ASB3: variants seen among roughly 807,000 people sequenced by gnomAD.
ASB3 encodes the protein ankyrin repeat and SOCS box containing 3.
A neutral mutation model predicts 54.5 loss-of-function variants in ASB3; 41 were observed. The observed-to-expected ratio is 0.75, with a 90% CI of 0.59 to 0.98. ASB3 has a LOEUF of 0.98. ASB3 is among the 50% of genes least tolerant of loss of function. The pLI is 0.00. For missense variants in ASB3, 733 were observed against 620.0 expected (o/e 1.18, Z -1.94); for synonymous variants, 266 against 221.2 (o/e 1.20, Z -1.80).
rs1667754344 is a variant in ASB3 at position 53,670,495 on chromosome 2, T to C, written c.*8A>G. 1 of 1,611,380 alleles carries C rather than the reference T, an allele frequency of 6.2e-7. No homozygotes were observed. Among genetic ancestry groups the C allele is most frequent in the Non-Finnish European group, 8.5e-7 (1 of 1,179,482 alleles). On this transcript the variant is annotated 3_prime_UTR_variant, in exon 10 of 10. Transcript: ENST00000263634. Reference sequence around the variant, plus strand: ...AAAAAATTAGCTGTGTTAAGTAGTTTCACTGATTTATCCATCTTGAATAGC... The same window carrying C: ...AAAAAATTAGCTGTGTTAAGTAGTTCCACTGATTTATCCATCTTGAATAGC...
intron 2 of ASB3, among the ~76,000 whole-genome samples, chr2:53,758,181 G>A (rs546452013): frequency 1.3e-5 from 2 of 152,296 alleles, no homozygotes; most frequent in South Asian, 4.1e-4. Flanking sequence ...TGTTGTCAGT[G>A]TAAACAAGGG....
chr2:53,718,990 G>A (rs1031983874), intron 5 of ASB3, among the ~76,000 whole-genome samples: 5 of 152,004 alleles, frequency 3.3e-5, no homozygotes, highest in African/African-American at 7.2e-5. Flanking sequence ...GTGCGATCTC[G>A]GCTTACTGCA....
At chr2:53,696,859 C>T (rs1388451398) in intron 8 of ASB3, among the ~76,000 whole-genome samples, 1 of 152,110 alleles carries the variant, frequency 6.6e-6, no homozygotes, top group Non-Finnish European at 1.5e-5. Context: ...GACACAAATA[C>T]TATGCTATTT....
At chr2:53,704,349 G>A (rs1281399979) in intron 7 of ASB3, among the ~76,000 whole-genome samples, 1 of 129,768 alleles carries the variant, frequency 7.7e-6, no homozygotes, top group Non-Finnish European at 1.6e-5. Context: ...CACAGAGCGA[G>A]AGACTGTCTC....
In ASB3 at chr2:53,728,714, G is replaced by C. The variant is rs566207204; in HGVS notation, c.602C>G (p.Ser201Trp). 1.2e-6 allele frequency: 2 copies of C among 1,600,678 alleles called. No homozygotes were observed. Among genetic ancestry groups the C allele is most frequent in the African/African-American group, 1.3e-5 (1 of 74,284 alleles). ...CAAAGGCTAATGGATAATCTTACCC[G>C]ATGAAATAAGTATGCTCAAGCTTTC... Reference protein sequence around the residue: ...KLESLSILISSGANVNCQALD... With the variant: ...KLESLSILISWGANVNCQALD... The change falls in exon 5 of 10, where the codon TCG becomes TGG. Residue 201 changes from serine to tryptophan, a missense_variant and splice_region_variant. Physicochemically the swap from Ser to Trp is radical, Grantham distance 177. Coordinates refer to ENST00000263634, the MANE Select transcript of ASB3 (RefSeq NM_016115.5).
intron 9 of ASB3, among the ~76,000 whole-genome samples, chr2:53,687,645 C>T (rs1668700016): frequency 6.6e-6 from 1 of 152,166 alleles, no homozygotes; most frequent in Admixed American, 6.5e-5. Flanking sequence ...AAAAGGCCCA[C>T]TACTGCCCCA....
chr2:53,745,492 T>C (rs1163509405), intron 3 of ASB3, among the ~76,000 whole-genome samples: 1 of 152,210 alleles, frequency 6.6e-6, no homozygotes, highest in East Asian at 1.9e-4. Context: ...GTAAAGAAGA[T>C]AGTCCCATTA....
intron 9 of ASB3, among the ~76,000 whole-genome samples, chr2:53,684,270 G>C (rs1004104456): frequency 6.6e-6 from 1 of 152,194 alleles, no homozygotes; most frequent in African/African-American, 2.4e-5. Context: ...TAACACTACA[G>C]AGTGGTTAGA....
At chr2:53,672,338 T>G (rs1667863978) in intron 9 of ASB3, among the ~76,000 whole-genome samples, 2 of 152,218 alleles carry the variant, frequency 1.3e-5, no homozygotes, top group South Asian at 4.1e-4. Flanking sequence ...ATCCATATCT[T>G]ACTTAAATTT....
intron 3 of ASB3, among the ~76,000 whole-genome samples, chr2:53,742,560 A>G (rs1397364842): frequency 2.6e-5 from 4 of 152,218 alleles, no homozygotes; most frequent in Non-Finnish European, 4.4e-5. Context: ...CTGTGAAAAC[A>G]GCACCAACAC....
chr2:53,733,124 T>C (rs1029174015), intron 3 of ASB3, among the ~76,000 whole-genome samples: 55 of 152,182 alleles, frequency 3.6e-4, no homozygotes, highest in African/African-American at 1.3e-3. Context: ...TGAGTACCTG[T>C]GAATTCCATG....
intron 7 of ASB3, among the ~76,000 whole-genome samples, chr2:53,710,994 G>C (rs186266756): frequency 3.9e-5 from 6 of 151,902 alleles, no homozygotes; most frequent in African/African-American, 1.5e-4. Flanking sequence ...TCCAGGCATG[G>C]TGGCGCACAA....
intron 9 of ASB3, among the ~76,000 whole-genome samples, chr2:53,681,454 T>C (rs970594421): frequency 6.6e-6 from 1 of 152,218 alleles, no homozygotes; most frequent in Non-Finnish European, 1.5e-5. Context: ...CCCAGTTCAA[T>C]GTACTAGAGA....
intron 7 of ASB3, among the ~76,000 whole-genome samples, chr2:53,707,269 C>T (rs899698972): frequency 3.9e-5 from 6 of 152,178 alleles, no homozygotes; most frequent in Admixed American, 3.3e-4. Context: ...CCAATTTGGG[C>T]AGCACAGCTC....
At chr2:53,709,459 TAAAC>T (rs1650049987) in intron 7 of ASB3, among the ~76,000 whole-genome samples, 1 of 152,072 alleles carries the variant, frequency 6.6e-6, no homozygotes, top group Admixed American at 6.5e-5. Context: ...CTCTACCCCA[TAAAC>T]ATACCAGAAA....
chr2:53,700,322 G>A lies in ASB3; in HGVS notation c.1187C>T (p.Pro396Leu). ...GTCAAATCCAGCAACCAGAAGATGTGGCAACCACTCCTTATATTTTGCTTG... is the reference window on the plus strand; with the variant it reads ...GTCAAATCCAGCAACCAGAAGATGTAGCAACCACTCCTTATATTTTGCTTG... ...KAQAKYKEWL[P>L]HLLVAGFDPL... Residue 396 changes from proline (P) to leucine (L), a missense_variant, in exon 8 of 10, where the codon CCA (proline) becomes CTA (leucine). By Grantham distance (98) the Pro-to-Leu change is moderately conservative. Transcript: ENST00000263634. 6.2e-7 allele frequency: 1 copy of A among 1,613,962 alleles called. No individual in the cohort carries two copies. Among genetic ancestry groups the A allele is most frequent in the South Asian group, 1.1e-5 (1 of 91,048 alleles).
intron 1 of ASB3, among the ~76,000 whole-genome samples, chr2:53,775,561 C>T (rs757732509): frequency 7.9e-5 from 12 of 152,172 alleles, no homozygotes; most frequent in Non-Finnish European, 8.8e-5. Flanking sequence ...CTGCAGCCTT[C>T]ACCTCCCAGG....
Position 53,670,386 on chromosome 2 carries a change from C to T in ASB3, c.*117G>A. 12 of 1,128,856 alleles carry T rather than the reference C, an allele frequency of 1.1e-5. No individual in the cohort carries two copies. The highest frequency in any genetic ancestry group is 1.4e-5 in the Non-Finnish European group (12 of 853,186). 69.9% of individuals were successfully genotyped at this position (1,128,856 alleles called of 1,614,324 possible). A position where few individuals can be genotyped will look rare whatever the true frequency, so the allele number is the denominator to read the frequency against. ...ACTGGCCCCCCAAAACCTAACCTAT[C>T]TCACAATCAATAATCATCTTTTGAC... On this transcript the variant is annotated 3_prime_UTR_variant, in exon 10 of 10. Coordinates refer to ENST00000263634, the MANE Select transcript of ASB3 (RefSeq NM_016115.5).
rs749350778 is a variant in ASB3 at position 53,714,414 on chromosome 2, C to A, written c.950G>T (p.Ser317Ile). 6.2e-7 allele frequency: 1 copy of A among 1,614,196 alleles called. No individual in the cohort carries two copies. Among genetic ancestry groups the A allele is most frequent in the African/African-American group, 1.3e-5 (1 of 75,050 alleles). The stretch of plus-strand genomic sequence containing the variant: ...TTGGAAAGCCATGCACACAGGAGAA[C>A]TGAATCCAAAAACAAGGCACGCCTG... ...DAQACLVFGF[S>I]SPVCMAFQKD... Residue 317 changes from serine to isoleucine, a missense_variant, in exon 7 of 10, where the codon AGT becomes ATT. Transcript: ENST00000263634.
Sources: gnomAD v4.1 joint callset for allele counts (sites outside exome capture counted in the v4.1 genomes callset) on GRCh38, gnomAD v4.1.1 for gene constraint, MANE v1.5 for transcripts, NCBI Gene and HGNC (gene_info 2026-07-23, HGNC 2026-07-21) for gene names.